Variants in KIAA0825 observed in about 807,000 individuals in gnomAD.
KIAA0825 encodes the protein KIAA0825.
A neutral mutation model predicts 147.6 loss-of-function variants in KIAA0825; 119 were observed. The ratio of observed to expected loss-of-function variants is 0.81; its 90% CI spans 0.69 to 0.94. The LOEUF (loss-of-function observed/expected upper bound fraction) is 0.94, where lower values mean the gene tolerates loss of function less well. Ranked by LOEUF, KIAA0825 falls within the 40% of genes least tolerant of loss-of-function variation. The pLI is 0.00. For synonymous variants in KIAA0825, 470 were observed against 518.1 expected (o/e 0.91, Z 1.26); for missense variants, 1,381 against 1,472.7 (o/e 0.94, Z 1.02).
intron 20 of KIAA0825, among the ~76,000 whole-genome samples, chr5:94,268,233 T>A (rs1776819028): frequency 6.6e-6 from 1 of 152,144 alleles, no homozygotes; most frequent in Admixed American, 6.5e-5. Flanking sequence ...AAGTATCAGT[T>A]ATGAACATTA....
Position 94,200,529 on chromosome 5 carries a change from C to G in KIAA0825, c.3711-46405G>C, listed in dbSNP as rs139157707. 4.1e-3 allele frequency among the ~76,000 whole-genome samples: 609 copies of G among 149,952 alleles called. 17 individuals are homozygous for G. Among genetic ancestry groups the G allele is most frequent in the Admixed American group, 0.038 (566 of 14,896 alleles). On this transcript the variant is annotated intron_variant, in intron 20 of 20. Coordinates refer to ENST00000682413, the MANE Select transcript of KIAA0825 (RefSeq NM_001145678.3). Reference sequence around the variant, plus strand: ...GCCCTTTCTCCTTACTGCTAAACTTCTGATATCATGACCATTCTATGCTTA... The same window carrying G: ...GCCCTTTCTCCTTACTGCTAAACTTGTGATATCATGACCATTCTATGCTTA...
At chr5:94,604,495 G>A (rs761560685) in intron 1 of KIAA0825, among the ~76,000 whole-genome samples, 6 of 152,096 alleles carry the variant, frequency 3.9e-5, no homozygotes, top group African/African-American at 7.2e-5. Flanking sequence ...GGAAGCGGAG[G>A]TTGCAGTGAG....
At chr5:94,159,915 A>T (rs1394412202) in intron 20 of KIAA0825, among the ~76,000 whole-genome samples, 7 of 152,214 alleles carry the variant, frequency 4.6e-5, no homozygotes, top group Non-Finnish European at 7.3e-5. Context: ...ATTATTTATT[A>T]GTTAATTGTA....
chr5:94,563,888 G>A (rs1332435448), intron 2 of KIAA0825, among the ~76,000 whole-genome samples: 2 of 152,106 alleles, frequency 1.3e-5, no homozygotes. Flanking sequence ...GTTTCACCAT[G>A]TTGGCAAGAC....
intron 2 of KIAA0825, among the ~76,000 whole-genome samples, chr5:94,540,771 G>A (rs1773132607): frequency 1.3e-5 from 2 of 152,160 alleles, no homozygotes; most frequent in African/African-American, 4.8e-5. Flanking sequence ...TAAATTATGT[G>A]GGTCAGATAT....
chr5:94,252,315 GT>G (rs1776004449), intron 20 of KIAA0825, among the ~76,000 whole-genome samples: 1 of 151,884 alleles, frequency 6.6e-6, no homozygotes, highest in South Asian at 2.1e-4. Flanking sequence ...AATCTAAGTG[GT>G]TGTTTTAGTA....
intron 20 of KIAA0825, among the ~76,000 whole-genome samples, chr5:94,192,536 C>T (rs999369616): frequency 9.2e-5 from 14 of 151,890 alleles, no homozygotes; most frequent in Non-Finnish European, 1.5e-4. Context: ...ATATGGATTC[C>T]GCTGATTGCA....
At chr5:94,207,865 T>G (rs1162599941) in intron 20 of KIAA0825, among the ~76,000 whole-genome samples, 1 of 152,178 alleles carries the variant, frequency 6.6e-6, no homozygotes, top group Non-Finnish European at 1.5e-5. Flanking sequence ...AAACCATGGC[T>G]TCCATGCTTT....
chr5:94,249,402 A>C (rs570993957), intron 20 of KIAA0825, among the ~76,000 whole-genome samples: 3 of 152,180 alleles, frequency 2.0e-5, no homozygotes, highest in African/African-American at 7.2e-5. Flanking sequence ...TATTCTAGAT[A>C]TATTAGCCTT....
chr5:94,434,963 T>C (rs1756148597), intron 14 of KIAA0825, among the ~76,000 whole-genome samples: 1 of 152,154 alleles, frequency 6.6e-6, no homozygotes, highest in South Asian at 2.1e-4. Flanking sequence ...AAAAACTCTG[T>C]ACCTAACAGT....
chr5:94,323,032 G>A (rs1379482653), intron 20 of KIAA0825, among the ~76,000 whole-genome samples: 1 of 151,702 alleles, frequency 6.6e-6, no homozygotes, highest in Non-Finnish European at 1.5e-5. Flanking sequence ...TCTGTTTATG[G>A]TAGGGATTAC....
At chr5:94,532,348 G>A (rs1770968040) in intron 3 of KIAA0825, among the ~76,000 whole-genome samples, 1 of 151,730 alleles carries the variant, frequency 6.6e-6, no homozygotes, top group Admixed American at 6.6e-5. Flanking sequence ...ACAGTGTTTC[G>A]CCATGTTGCC....
At chr5:94,267,410 G>A (rs1051500660) in intron 20 of KIAA0825, among the ~76,000 whole-genome samples, 1 of 151,856 alleles carries the variant, frequency 6.6e-6, no homozygotes, top group African/African-American at 2.4e-5. Context: ...CTTAAATACA[G>A]GTTGCTTTCC....
chr5:94,411,344 G>C (rs160193), intron 15 of KIAA0825, among the ~76,000 whole-genome samples: 36,457 of 152,046 alleles, frequency 0.24, 4,751 homozygotes, highest in Middle Eastern at 0.32. Flanking sequence ...AACCTATAGT[G>C]CCAAGTATCA....
At chr5:94,300,998 G>C (rs1778373025) in intron 20 of KIAA0825, among the ~76,000 whole-genome samples, 1 of 152,144 alleles carries the variant, frequency 6.6e-6, no homozygotes, top group South Asian at 2.1e-4. Flanking sequence ...AGGATTAATA[G>C]GTGGATGATA....
At position 94,151,114 on chromosome 5, in the gene KIAA0825, CT is replaced by C. The variant is rs1379206895; in HGVS notation, c.*2892del. Among the ~76,000 whole-genome samples the C allele has an allele frequency of 6.6e-6, 1 of 152,050 alleles. No homozygotes were observed. The highest frequency in any genetic ancestry group is 2.4e-5 in the African/African-American group (1 of 41,406). ...CAAAAACTGCTTTGAAATACCACTT[CT>C]TATTATACTTAAAAAAACATGGCCG... On this transcript the variant is annotated 3_prime_UTR_variant, in exon 21 of 21. Coordinates refer to ENST00000682413, the MANE Select transcript of KIAA0825 (RefSeq NM_001145678.3).
intron 20 of KIAA0825, among the ~76,000 whole-genome samples, chr5:94,347,602 G>A (rs1209834730): frequency 6.6e-6 from 1 of 152,188 alleles, no homozygotes; most frequent in African/African-American, 2.4e-5. Flanking sequence ...GGAAAAGGGA[G>A]AGAGTACTAC....
intron 2 of KIAA0825, among the ~76,000 whole-genome samples, chr5:94,546,890 C>T (rs1387619779): frequency 6.7e-6 from 1 of 149,686 alleles, no homozygotes; most frequent in African/African-American, 2.5e-5. Flanking sequence ...GAGACCAATC[C>T]TAGAGAAAAA....
chr5:94,578,771 A>G (rs1168587589), intron 2 of KIAA0825, among the ~76,000 whole-genome samples: 2 of 152,198 alleles, frequency 1.3e-5, no homozygotes, highest in Non-Finnish European at 2.9e-5. Context: ...TGTGCCAGTC[A>G]CCTAAGTACA....
Sources: allele counts gnomAD v4.1 joint callset (sites outside exome capture counted in the v4.1 genomes callset), GRCh38; gene constraint gnomAD v4.1.1; transcripts MANE v1.5; gene names NCBI Gene and HGNC (gene_info 2026-07-23, HGNC 2026-07-21).